ENOX1: variants seen among roughly 807,000 people sequenced by gnomAD.
ENOX1 encodes the protein ecto-NOX disulfide-thiol exchanger 1, also known as candidate growth-related and time keeping constitutive hydroquinone (NADH) oxidase.
In ENOX1, 42 loss-of-function variants were observed where a neutral mutation model predicts 82.5. That is an observed-to-expected ratio of 0.51 (90% confidence interval 0.40 to 0.66). The LOEUF (loss-of-function observed/expected upper bound fraction) is 0.66, where lower values mean the gene tolerates loss of function less well. Ranked by LOEUF, ENOX1 falls within the 30% of genes least tolerant of loss-of-function variation. The pLI is 0.00. For missense variants in ENOX1, 608 were observed against 811.6 expected (o/e 0.75, Z 3.05); for synonymous variants, 271 against 282.2 (o/e 0.96, Z 0.40).
At chr13:43,742,882 G>A (rs1594651426) in intron 1 of ENOX1, among the ~76,000 whole-genome samples, 1 of 132,340 alleles carries the variant, frequency 7.6e-6, no homozygotes, top group African/African-American at 2.6e-5. Flanking sequence ...TGGGGAATAG[G>A]GACATGATCG....
chr13:43,716,701 A>G (rs1379742489), intron 1 of ENOX1, among the ~76,000 whole-genome samples: 1 of 152,122 alleles, frequency 6.6e-6, no homozygotes, highest in African/African-American at 2.4e-5. Context: ...TATAAAGTCA[A>G]TGTACAAAAA....
intron 1 of ENOX1, among the ~76,000 whole-genome samples, chr13:43,710,847 T>C (rs955959018): frequency 1.3e-4 from 19 of 151,420 alleles, no homozygotes; most frequent in Admixed American, 2.0e-4. Flanking sequence ...GAAAATAAGA[T>C]AGCATCCACA....
At chr13:43,455,501 T>C (rs4941461) in intron 3 of ENOX1, among the ~76,000 whole-genome samples, 63,033 of 152,020 alleles carry the variant, frequency 0.41, 13,867 homozygotes, top group Non-Finnish European at 0.5. Flanking sequence ...CAATTCTTCT[T>C]CTATTATTCT....
At chr13:43,215,865 C>A (rs780522704) in intron 16 of ENOX1, among the ~76,000 whole-genome samples, 1 of 152,190 alleles carries the variant, frequency 6.6e-6, no homozygotes, top group Non-Finnish European at 1.5e-5. Context: ...TAACAACCAT[C>A]CCAGATCATT....
At chr13:43,490,939 T>A (rs1277605780) in intron 2 of ENOX1, among the ~76,000 whole-genome samples, 1 of 152,232 alleles carries the variant, frequency 6.6e-6, no homozygotes, top group Non-Finnish European at 1.5e-5. Context: ...TTCCAACTCA[T>A]AACATCACAA....
intron 3 of ENOX1, among the ~76,000 whole-genome samples, chr13:43,466,799 T>C (rs2057746509): frequency 6.6e-6 from 1 of 152,110 alleles, no homozygotes; most frequent in African/African-American, 2.4e-5. Flanking sequence ...TCACTCCCCA[T>C]TCCCCCCAGC....
intron 13 of ENOX1, 54 bp from the exon 14 acceptor site, chr13:43,265,508 A>G: frequency 2.1e-6 from 3 of 1,456,772 alleles, no homozygotes; most frequent in Non-Finnish European, 2.9e-6. Flanking sequence ...AAGCAAGCAA[A>G]TCTCTTAAGT....
In ENOX1 at chr13:43,243,583, T is replaced by G. The variant is rs144281343; in HGVS notation, c.1612-6845A>C. Reference sequence around the variant, plus strand: ...GATTACAGGCATGAGCCACTGCACCTGGCAGATTTCACACCTTGACCATTT... The same window carrying G: ...GATTACAGGCATGAGCCACTGCACCGGGCAGATTTCACACCTTGACCATTT... On this transcript the variant is annotated intron_variant, in intron 14 of 16. Transcript: ENST00000690772. Among the ~76,000 whole-genome samples, 99 of 152,338 alleles carry G rather than the reference T, an allele frequency of 6.5e-4. 1 individual carries two copies. The highest frequency in any genetic ancestry group is 2.3e-3 in the African/African-American group (96 of 41,582).
intron 3 of ENOX1, among the ~76,000 whole-genome samples, chr13:43,453,373 C>A (rs143703100): frequency 3.9e-5 from 6 of 152,312 alleles, no homozygotes; most frequent in African/African-American, 7.2e-5. Context: ...AGCACATGAG[C>A]TTCCTTAAAA....
chr13:43,578,140 C>A (rs989366453), intron 2 of ENOX1, among the ~76,000 whole-genome samples: 4 of 152,132 alleles, frequency 2.6e-5, no homozygotes, highest in Admixed American at 2.0e-4. Flanking sequence ...TTGAAACGAT[C>A]TGGCTTCTAA....
intron 2 of ENOX1, among the ~76,000 whole-genome samples, chr13:43,631,277 C>T (rs925588081): frequency 7.2e-5 from 11 of 152,110 alleles, no homozygotes; most frequent in Non-Finnish European, 1.5e-4. Flanking sequence ...CACTAGGCTC[C>T]CTCCCACAGC....
chr13:43,616,182 C>A (rs372560237), intron 2 of ENOX1, among the ~76,000 whole-genome samples: 1,290 of 5,460 alleles, frequency 0.24, 202 homozygotes, highest in African/African-American at 0.28. Context: ...ATCTATCTAT[C>A]TATCTATATA....
At position 43,616,112 on chromosome 13, in the gene ENOX1, CTATAGATCTATAGA is replaced by C. The variant is rs2082412270; in HGVS notation, c.-219+51353_-219+51366del. On this transcript the variant is annotated intron_variant, in intron 2 of 16. Transcript: ENST00000690772. ...TATATATATCTATATAGATAGATAT[CTATAGATCTATAGA>C]TATCTATCTATCTAGATATCTATAT... Among the ~76,000 whole-genome samples the C allele has an allele frequency of 2.4e-4, 12 of 50,108 alleles. 1 individual carries two copies. Among genetic ancestry groups the C allele is most frequent in the African/African-American group, 6.9e-4 (11 of 15,846 alleles). The allele number at this position is 50,108 out of a possible 152,430, so 32.9% of individuals were successfully genotyped here.
intron 15 of ENOX1, among the ~76,000 whole-genome samples, chr13:43,232,439 T>C (rs1295002326): frequency 6.6e-6 from 1 of 152,210 alleles, no homozygotes; most frequent in African/African-American, 2.4e-5. Context: ...CAAGATTACT[T>C]TTCTCAGGTA....
intron 2 of ENOX1, among the ~76,000 whole-genome samples, chr13:43,586,297 C>T (rs1209539663): frequency 1.3e-5 from 2 of 152,228 alleles, no homozygotes; most frequent in Non-Finnish European, 2.9e-5. Flanking sequence ...CTTTCTTTAC[C>T]TGATAAAATA....
At chr13:43,500,123 A>C (rs1374682968) in intron 2 of ENOX1, among the ~76,000 whole-genome samples, 1 of 152,148 alleles carries the variant, frequency 6.6e-6, no homozygotes, top group East Asian at 1.9e-4. Context: ...CAACATCAGC[A>C]AGCAAACTAA....
chr13:43,765,699 G>A (rs925681389), intron 1 of ENOX1, among the ~76,000 whole-genome samples: 1 of 152,032 alleles, frequency 6.6e-6, no homozygotes, highest in Non-Finnish European at 1.5e-5. Context: ...AATCAATGAA[G>A]GAATGAATGA....
intron 2 of ENOX1, among the ~76,000 whole-genome samples, chr13:43,531,476 G>A (rs1355711606): frequency 6.7e-6 from 1 of 150,026 alleles, no homozygotes; most frequent in African/African-American, 2.5e-5. Flanking sequence ...ACTGTTGGTG[G>A]GACTGTAAAC....
intron 4 of ENOX1, 67 bp from the exon 5 acceptor site, chr13:43,412,120 A>G: frequency 6.4e-7 from 1 of 1,561,938 alleles, no homozygotes; most frequent in Admixed American, 1.7e-5. Flanking sequence ...AGAAAATCAC[A>G]TTTCTAGATA....
Sources: gnomAD v4.1 joint callset for allele counts (sites outside exome capture counted in the v4.1 genomes callset) on GRCh38, gnomAD v4.1.1 for gene constraint, MANE v1.5 for transcripts, NCBI Gene and HGNC (gene_info 2026-07-23, HGNC 2026-07-21) for gene names.